DPP10: variants seen among roughly 807,000 people sequenced by gnomAD.
DPP10 encodes the protein inactive dipeptidyl peptidase 10.
In DPP10, 33 loss-of-function variants were observed where a neutral mutation model predicts 120.9. That is an observed-to-expected ratio of 0.27 (90% confidence interval 0.21 to 0.37). The LOEUF is 0.37. Among genes scored for constraint, DPP10 ranks in the 10% least tolerant of loss-of-function variants. The probability of loss-of-function intolerance (pLI) is 1.00; values close to 1 mark genes in which losing one functional copy is unlikely to be tolerated. For synonymous variants in DPP10, 337 were observed against 326.1 expected (o/e 1.03, Z -0.36); for missense variants, 816 against 942.8 (o/e 0.87, Z 1.76).
rs570504827 is a variant in DPP10 at position 115,017,859 on chromosome 2, G to A, written c.61-291380G>A. ...TCACACACAGGGCCTGTTGTGGGGTGGGGGGAGTGGGGAGGGATAGCATTA... is the reference window on the plus strand; with the variant it reads ...TCACACACAGGGCCTGTTGTGGGGTAGGGGGAGTGGGGAGGGATAGCATTA... On this transcript the variant is annotated intron_variant, in intron 1 of 25. Transcript: ENST00000410059. Among the ~76,000 whole-genome samples the A allele has an allele frequency of 1.5e-4, 23 of 151,920 alleles. No individual in the cohort carries two copies. The East Asian group carries it at 3.2e-3, about 21-fold the overall frequency.
At chr2:115,026,604 C>T (rs1459919045) in intron 1 of DPP10, among the ~76,000 whole-genome samples, 7 of 152,104 alleles carry the variant, frequency 4.6e-5, no homozygotes, top group South Asian at 4.1e-4. Context: ...GGTGCCATCT[C>T]GGCTCATTGC....
chr2:114,503,490 A>AT (rs1457240480), intron 1 of DPP10, among the ~76,000 whole-genome samples: 1 of 152,186 alleles, frequency 6.6e-6, no homozygotes, highest in Non-Finnish European at 1.5e-5. Flanking sequence ...TTGGAGATGC[A>AT]TTTTTTGGGT....
intron 3 of DPP10, among the ~76,000 whole-genome samples, chr2:115,437,131 G>A (rs941791953): frequency 1.3e-5 from 2 of 151,896 alleles, no homozygotes; most frequent in South Asian, 2.1e-4. Flanking sequence ...CCTCTAATCT[G>A]GCCTCTTACA....
chr2:115,711,938 T>TTTG (rs1559061134), intron 7 of DPP10, among the ~76,000 whole-genome samples: 1 of 129,332 alleles, frequency 7.7e-6, no homozygotes, highest in East Asian at 2.5e-4. Flanking sequence ...TTTTTTTTTT[T>TTTG]GGAATCATTG....
At chr2:115,004,801 A>G (rs1400402122) in intron 1 of DPP10, among the ~76,000 whole-genome samples, 4 of 152,116 alleles carry the variant, frequency 2.6e-5, no homozygotes, top group South Asian at 4.1e-4. Context: ...AGGGGCGCCC[A>G]CCATTGCCCA....
chr2:114,449,074 G>A (rs1469684009), intron 1 of DPP10, among the ~76,000 whole-genome samples: 1 of 152,132 alleles, frequency 6.6e-6, no homozygotes, highest in Non-Finnish European at 1.5e-5. Context: ...GGGCCATCTG[G>A]TAATCAACAC....
intron 1 of DPP10, among the ~76,000 whole-genome samples, chr2:114,644,439 C>T (rs947726673): frequency 1.3e-5 from 2 of 151,590 alleles, no homozygotes; most frequent in African/African-American, 4.9e-5. Context: ...GATATCTTAT[C>T]TCCCTATTAC....
chr2:115,081,984 C>A (rs1708311421), intron 1 of DPP10, among the ~76,000 whole-genome samples: 1 of 152,154 alleles, frequency 6.6e-6, no homozygotes, highest in Non-Finnish European at 1.5e-5. Context: ...GCTTTTGTAC[C>A]AAGATAAATT....
intron 1 of DPP10, among the ~76,000 whole-genome samples, chr2:114,662,630 C>A (rs574819953): frequency 6.6e-6 from 1 of 152,126 alleles, no homozygotes. Context: ...GGATGGCCAC[C>A]GCGTCCACGG....
intron 14 of DPP10, 51 bp downstream of exon 14, chr2:115,777,350 C>A (rs767399217): frequency 6.9e-7 from 1 of 1,454,968 alleles, no homozygotes; most frequent in Non-Finnish European, 9.6e-7. Flanking sequence ...TTGTCAAATG[C>A]CATCTTTTCT....
intron 1 of DPP10, among the ~76,000 whole-genome samples, chr2:114,936,949 C>G (rs1205230206): frequency 6.6e-6 from 1 of 152,008 alleles, no homozygotes; most frequent in Non-Finnish European, 1.5e-5. Flanking sequence ...GTCTGGTTTT[C>G]TTCTTGCTGA....
chr2:115,248,411 C>CT (rs1039029334), intron 1 of DPP10, among the ~76,000 whole-genome samples: 183 of 151,616 alleles, frequency 1.2e-3, no homozygotes, highest in Non-Finnish European at 2.2e-3. Context: ...TTTCTTTTTT[C>CT]TTTTTTTTAA....
intron 3 of DPP10, among the ~76,000 whole-genome samples, chr2:115,362,675 A>G (rs778326741): frequency 2.0e-4 from 31 of 152,298 alleles, no homozygotes; most frequent in African/African-American, 2.9e-4. Flanking sequence ...TTCAACTTCA[A>G]TTCTAATATT....
chr2:115,571,151 A>T (rs562002392), intron 5 of DPP10, among the ~76,000 whole-genome samples: 1 of 152,370 alleles, frequency 6.6e-6, no homozygotes, highest in South Asian at 2.1e-4. Flanking sequence ...CTATGGAGAT[A>T]TTAAGTATGA....
rs182717316 is a variant in DPP10, at chr2:114,995,702, C to A, written c.61-313537C>A. On this transcript the variant is annotated intron_variant, in intron 1 of 25. Coordinates refer to ENST00000410059, the MANE Select transcript of DPP10 (RefSeq NM_020868.6). The stretch of plus-strand genomic sequence containing the variant: ...TGCCCGGTTTTAGAGTGGGGGGAAC[C>A]AGCAAGTTTGGAAACATCATCAGTG... Among the ~76,000 whole-genome samples, 32 of 152,220 alleles carry A rather than the reference C, an allele frequency of 2.1e-4. No individual in the cohort carries two copies. The East Asian group carries it at 5.6e-3, about 27-fold the overall frequency.
chr2:115,030,430 C>T (rs1162127974), intron 1 of DPP10, among the ~76,000 whole-genome samples: 1 of 152,082 alleles, frequency 6.6e-6, no homozygotes. Flanking sequence ...TATGGTTATT[C>T]ATTTTTCAAT....
At chr2:115,688,713 A>G (rs1575530305) in intron 5 of DPP10, among the ~76,000 whole-genome samples, 2 of 152,168 alleles carry the variant, frequency 1.3e-5, no homozygotes, top group East Asian at 3.9e-4. Context: ...CATTATTAAG[A>G]AGCAAAACAT....
intron 1 of DPP10, among the ~76,000 whole-genome samples, chr2:114,617,008 G>C (rs785047): frequency 0.1 from 15,556 of 152,076 alleles, 1,034 homozygotes; most frequent in East Asian, 0.21. Context: ...AAATACAAGG[G>C]ATAGAGATAG....
intron 5 of DPP10, among the ~76,000 whole-genome samples, chr2:115,541,725 A>T (rs1172479126): frequency 6.6e-6 from 1 of 151,836 alleles, no homozygotes; most frequent in African/African-American, 2.4e-5. Flanking sequence ...TATCCATGGA[A>T]AGCTTACTAT....
Sources: gnomAD v4.1 joint callset for allele counts (sites outside exome capture counted in the v4.1 genomes callset) on GRCh38, gnomAD v4.1.1 for gene constraint, MANE v1.5 for transcripts, NCBI Gene and HGNC (gene_info 2026-07-23, HGNC 2026-07-21) for gene names.